The following MARCHF1 variants were observed in gnomAD, a reference collection of about 807,000 sequenced individuals.
MARCHF1 encodes the protein E3 ubiquitin-protein ligase MARCHF1.
In MARCHF1, 40 loss-of-function variants were observed where a neutral mutation model predicts 54.2. That is an observed-to-expected ratio of 0.74 (90% CI 0.57 to 0.96). The LOEUF is 0.96. MARCHF1 is among the 40% of genes least tolerant of loss of function. The probability of loss-of-function intolerance (pLI) is 0.00; values close to 1 mark genes in which losing one functional copy is unlikely to be tolerated. For synonymous variants in MARCHF1, 236 were observed against 236.3 expected (o/e 1.00, Z 0.01); for missense variants, 586 against 656.5 (o/e 0.89, Z 1.17).
intron 4 of MARCHF1, among the ~76,000 whole-genome samples, chr4:163,785,021 A>G (rs570028866): frequency 9.7e-4 from 147 of 152,246 alleles, no homozygotes; most frequent in Non-Finnish European, 1.9e-3. Context: ...CTTTTGTACC[A>G]GCAAAGGTAT....
At chr4:164,317,145 A>G (rs1260511493) in intron 1 of MARCHF1, among the ~76,000 whole-genome samples, 4 of 152,340 alleles carry the variant, frequency 2.6e-5, no homozygotes, top group African/African-American at 9.6e-5. Flanking sequence ...ATACATTTGT[A>G]TTTCAAAATA....
intron 3 of MARCHF1, among the ~76,000 whole-genome samples, chr4:163,880,164 C>A (rs1750384676): frequency 6.8e-6 from 1 of 148,080 alleles, no homozygotes; most frequent in African/African-American, 2.5e-5. Context: ...CATACATATG[C>A]AGAGAGAGAG....
chr4:164,174,312 GT>G (rs2110986533), intron 1 of MARCHF1, among the ~76,000 whole-genome samples: 1 of 152,328 alleles, frequency 6.6e-6, no homozygotes, highest in South Asian at 2.1e-4. Context: ...AAGTAATGGG[GT>G]TGATTGAAGT....
intron 1 of MARCHF1, among the ~76,000 whole-genome samples, chr4:164,208,470 CA>C (rs1292489943): frequency 6.6e-6 from 1 of 152,160 alleles, no homozygotes; most frequent in Non-Finnish European, 1.5e-5. Context: ...AGAAATTTAA[CA>C]TTTTCCTGAG....
intron 9 of MARCHF1, among the ~76,000 whole-genome samples, chr4:163,541,021 G>A (rs1046350918): frequency 1.3e-5 from 2 of 151,962 alleles, no homozygotes; most frequent in Admixed American, 6.6e-5. Flanking sequence ...GAGTGAAATC[G>A]TCTCAAAGGA....
chr4:164,304,964 A>G (rs1422433515), intron 1 of MARCHF1, among the ~76,000 whole-genome samples: 1 of 152,212 alleles, frequency 6.6e-6, no homozygotes, highest in African/African-American at 2.4e-5. Flanking sequence ...ATATTTGATG[A>G]ATCTGAATGT....
chr4:164,301,665 A>G (rs751004159), intron 1 of MARCHF1, among the ~76,000 whole-genome samples: 6 of 152,208 alleles, frequency 3.9e-5, no homozygotes, highest in Non-Finnish European at 8.8e-5. Context: ...TATTGAATTC[A>G]TATATTTAGG....
At chr4:163,802,760 G>A (rs1368380330) in intron 4 of MARCHF1, among the ~76,000 whole-genome samples, 4 of 152,162 alleles carry the variant, frequency 2.6e-5, no homozygotes, top group African/African-American at 7.2e-5. Flanking sequence ...ATTTATAAAA[G>A]AAAGATAGAT....
chr4:164,092,348 T>C (rs747822903), intron 2 of MARCHF1, among the ~76,000 whole-genome samples: 1 of 152,144 alleles, frequency 6.6e-6, no homozygotes, highest in Non-Finnish European at 1.5e-5. Flanking sequence ...TTCACTATCA[T>C]GTATCCCACA....
At chr4:163,796,025 C>T (rs1048943276) in intron 4 of MARCHF1, among the ~76,000 whole-genome samples, 1 of 152,064 alleles carries the variant, frequency 6.6e-6, no homozygotes, top group Non-Finnish European at 1.5e-5. Context: ...ACGTCTTTAT[C>T]CTCGTCTTCA....
intron 5 of MARCHF1, among the ~76,000 whole-genome samples, chr4:163,620,606 CAGAGAGAGAGAGAG>C (rs138054709): frequency 1.5e-3 from 87 of 56,940 alleles, no homozygotes; most frequent in Middle Eastern, 0.011. Flanking sequence ...CACACACACA[CAGAGAGAGAGAGAG>C]AGAGAGAGAG....
intron 2 of MARCHF1, among the ~76,000 whole-genome samples, chr4:164,101,239 C>T (rs1755550032): frequency 6.6e-6 from 1 of 152,164 alleles, no homozygotes; most frequent in Non-Finnish European, 1.5e-5. Flanking sequence ...AGCCTGGAAG[C>T]TCAAACTGGG....
chr4:163,966,570 A>G (rs1752448665), intron 3 of MARCHF1, among the ~76,000 whole-genome samples: 1 of 152,148 alleles, frequency 6.6e-6, no homozygotes. Flanking sequence ...CAGTCAATAA[A>G]TATTTCTTGA....
At chr4:163,889,999 A>G (rs905131074) in intron 3 of MARCHF1, among the ~76,000 whole-genome samples, 2 of 135,194 alleles carry the variant, frequency 1.5e-5, no homozygotes, top group Non-Finnish European at 3.0e-5. Flanking sequence ...GTTTCGGCTC[A>G]CTGCAAGCTC....
rs1732951579 is a variant in MARCHF1 at position 164,246,428 on chromosome 4, T to C, written c.-322-134766A>G. ...GAAAGCTGAAACTGGATCCCTTCCT[T>C]ATACCTTATACAAAAATCAGTTCAA... On this transcript the variant is annotated intron_variant, in intron 1 of 9. Transcript: ENST00000514618. Among the ~76,000 whole-genome samples, 2 of 51,638 alleles carry C rather than the reference T, an allele frequency of 3.9e-5. 1 individual carries two copies. Among genetic ancestry groups the C allele is most frequent in the Non-Finnish European group, 1.0e-4 (2 of 19,714 alleles). The allele number at this position is 51,638 out of a possible 152,430, so 33.9% of individuals were successfully genotyped here.
intron 1 of MARCHF1, among the ~76,000 whole-genome samples, chr4:164,125,669 C>T (rs1756164402): frequency 6.6e-6 from 1 of 152,122 alleles, no homozygotes; most frequent in African/African-American, 2.4e-5. Flanking sequence ...GATTCCCAAC[C>T]CCTCAGCTGT....
At chr4:163,610,208 T>A (rs796182954) in intron 7 of MARCHF1, among the ~76,000 whole-genome samples, 28 of 152,182 alleles carry the variant, frequency 1.8e-4, no homozygotes, top group African/African-American at 6.3e-4. Context: ...TATGCTTTTT[T>A]TCGAGTATGT....
intron 5 of MARCHF1, among the ~76,000 whole-genome samples, chr4:163,688,880 T>C (rs1744354660): frequency 1.3e-5 from 2 of 152,164 alleles, no homozygotes; most frequent in African/African-American, 4.8e-5. Context: ...CTGCAAAAAT[T>C]AGAAATAAAT....
At chr4:163,872,998 C>A (rs917723317) in intron 3 of MARCHF1, among the ~76,000 whole-genome samples, 7 of 151,762 alleles carry the variant, frequency 4.6e-5, no homozygotes, top group Admixed American at 2.6e-4. Context: ...GAGCCGAGAT[C>A]GCGCCACTGC....
Sources: gnomAD v4.1 joint callset for allele counts (sites outside exome capture counted in the v4.1 genomes callset) on GRCh38, gnomAD v4.1.1 for gene constraint, MANE v1.5 for transcripts, NCBI Gene and HGNC (gene_info 2026-07-23, HGNC 2026-07-21) for gene names.